UBR1: variants seen among roughly 807,000 people sequenced by gnomAD.
UBR1 encodes the protein ubiquitin protein ligase E3 component n-recognin 1.
Under a neutral mutation model 242.1 loss-of-function variants are expected in UBR1, and 102 were observed. The ratio of observed to expected loss-of-function variants is 0.42; its 90% CI spans 0.36 to 0.50. UBR1 has a LOEUF of 0.50. UBR1 is among the 20% of genes least tolerant of loss of function. UBR1 has a pLI of 0.01. For synonymous variants in UBR1, 675 were observed against 684.8 expected, an observed-to-expected ratio of 0.99 and a Z score of 0.22; for missense variants, 1,772 against 2,101.8, an observed-to-expected ratio of 0.84 and a Z score of 3.07.
chr15:43,090,047 G>A (rs944568689), intron 1 of UBR1, among the ~76,000 whole-genome samples: 2 of 152,122 alleles, frequency 1.3e-5, no homozygotes, highest in Non-Finnish European at 2.9e-5. Context: ...ATTATACTAT[G>A]GTTATGCAAA....
intron 1 of UBR1, among the ~76,000 whole-genome samples, chr15:43,104,712 A>C (rs1032555657): frequency 2.0e-5 from 3 of 151,908 alleles, no homozygotes; most frequent in Admixed American, 1.3e-4. Flanking sequence ...AAAAAAAAAA[A>C]CAAAAAACCT....
chr15:43,022,558 A>G, intron 26 of UBR1, 144 bp downstream of exon 26: 2 of 516,252 alleles, frequency 3.9e-6, no homozygotes, highest in Non-Finnish European at 3.3e-6. Flanking sequence ...TGCTAGGAAA[A>G]AAATTATTTC....
intron 46 of UBR1, among the ~76,000 whole-genome samples, chr15:42,947,320 T>C (rs374372429): frequency 4.6e-5 from 7 of 152,134 alleles, no homozygotes; most frequent in East Asian, 3.8e-4. Flanking sequence ...TTTAAAAATT[T>C]TGGGGAAACA....
chr15:43,037,764 T>G lies in UBR1; in HGVS notation c.2022+9A>C. On this transcript the variant is annotated intron_variant, in intron 17 of 46. Coordinates refer to ENST00000290650, the MANE Select transcript of UBR1 (RefSeq NM_174916.3). ...CATTCATAAATATGAATAATAGACT[T>G]TGCTGTACCTGGCTAATAAGAGACA... is the stretch of plus-strand genomic sequence containing the variant. 6.2e-7 allele frequency: 1 copy of G among 1,612,306 alleles called. No homozygotes were observed. The highest frequency in any genetic ancestry group is 2.2e-5 in the East Asian group (1 of 44,860).
At chr15:43,101,968 CAAAAA>C (rs55875692) in intron 1 of UBR1, among the ~76,000 whole-genome samples, 1 of 59,644 alleles carries the variant, frequency 1.7e-5, no homozygotes, top group East Asian at 7.6e-4. Flanking sequence ...CCTTGGCTCA[CAAAAA>C]AAAAAAAAAA....
chr15:43,025,127 GA>G, intron 24 of UBR1, 144 bp from the exon 25 acceptor site: 3 of 1,069,820 alleles, frequency 2.8e-6, no homozygotes, highest in Non-Finnish European at 4.0e-6. Flanking sequence ...TTCCAGTACT[GA>G]AAATATCAAT....
In UBR1 at chr15:43,086,065, C is replaced by G. The variant is rs947212743; in HGVS notation, c.257G>C (p.Cys86Ser). ...WYLFGEDPDI[C>S]LEKLKHSGAF... Reference sequence around the variant, plus strand: ...TCCACTGTGCTTCAATTTCTCTAAGCAAATATCTGGATCTTCTCCAAATAA... The same window carrying G: ...TCCACTGTGCTTCAATTTCTCTAAGGAAATATCTGGATCTTCTCCAAATAA... The change falls in exon 2 of 47, where the codon TGC becomes TCC. Residue 86 changes from cysteine (C) to serine (S), a missense_variant. Cys to Ser is a moderately radical substitution (Grantham distance 112, BLOSUM62 -1). Transcript: ENST00000290650. 2.5e-6 allele frequency: 4 copies of G among 1,613,950 alleles called. No individual in the cohort carries two copies. The African/African-American group carries it at 5.3e-5, about 22-fold the overall frequency.
intron 37 of UBR1, among the ~76,000 whole-genome samples, chr15:42,982,087 G>A (rs1332482983): frequency 6.6e-6 from 1 of 152,068 alleles, no homozygotes; most frequent in African/African-American, 2.4e-5. Flanking sequence ...TGCCTACACT[G>A]GTGTCAAACT....
chr15:43,103,260 G>A (rs1299025766), intron 1 of UBR1, among the ~76,000 whole-genome samples: 1 of 152,188 alleles, frequency 6.6e-6, no homozygotes, highest in Non-Finnish European at 1.5e-5. Context: ...CAGCTACTCA[G>A]GAGGTTGAGG....
intron 4 of UBR1, among the ~76,000 whole-genome samples, chr15:43,073,472 G>A (rs1275972616): frequency 2.0e-5 from 3 of 152,110 alleles, no homozygotes; most frequent in Non-Finnish European, 4.4e-5. Context: ...TCTCTAGAAA[G>A]AAAAGCTTTT....
At chr15:43,070,705 G>A in intron 5 of UBR1, 90 bp downstream of exon 5, 2 of 1,543,362 alleles carry the variant, frequency 1.3e-6, no homozygotes, top group Admixed American at 3.3e-5. Context: ...TGATAATTAG[G>A]CAGTAAATAA....
chr15:43,036,664 A>T, intron 17 of UBR1, 71 bp from the exon 18 acceptor site: 1 of 1,110,680 alleles, frequency 9.0e-7, no homozygotes, highest in Non-Finnish European at 1.4e-6. Flanking sequence ...AAGAAAACCT[A>T]TCCTTAAAAC....
intron 4 of UBR1, 61 bp downstream of exon 4, chr15:43,074,918 T>A: frequency 7.6e-7 from 1 of 1,307,254 alleles, no homozygotes. Context: ...TAACATTTAT[T>A]CTTATCTAAT....
intron 45 of UBR1, among the ~76,000 whole-genome samples, chr15:42,951,228 T>C (rs2031827474): frequency 6.6e-6 from 1 of 152,222 alleles, no homozygotes; most frequent in African/African-American, 2.4e-5. Flanking sequence ...GTGACTATTT[T>C]TCTTTTTTTT....
At chr15:42,985,456 G>A (rs1175445813) in intron 35 of UBR1, among the ~76,000 whole-genome samples, 2 of 151,954 alleles carry the variant, frequency 1.3e-5, no homozygotes, top group Non-Finnish European at 2.9e-5. Context: ...GGGCTCAAGC[G>A]ATTCTCCTGC....
At chr15:43,070,669 G>A in intron 5 of UBR1, 126 bp downstream of exon 5, 1 of 1,402,662 alleles carries the variant, frequency 7.1e-7, no homozygotes, top group African/African-American at 1.4e-5. Context: ...ATTCCCAAGA[G>A]ATAAGTCACT....
chr15:43,001,399 G>A (rs1391815108), intron 32 of UBR1, among the ~76,000 whole-genome samples: 1 of 152,116 alleles, frequency 6.6e-6, no homozygotes, highest in Admixed American at 6.5e-5. Context: ...CGCCCACCTC[G>A]GCTTCCCAAA....
intron 1 of UBR1, among the ~76,000 whole-genome samples, chr15:43,095,252 A>T (rs2034145430): frequency 6.6e-6 from 1 of 152,248 alleles, no homozygotes; most frequent in South Asian, 2.1e-4. Flanking sequence ...AAAACTTCAA[A>T]GGCATTTTAA....
intron 28 of UBR1, among the ~76,000 whole-genome samples, chr15:43,016,638 G>C (rs1043635964): frequency 1.3e-5 from 2 of 152,180 alleles, no homozygotes; most frequent in African/African-American, 4.8e-5. Flanking sequence ...ATGCAGTAGC[G>C]TGATTTTGGC....
Sources: allele counts gnomAD v4.1 joint callset (sites outside exome capture counted in the v4.1 genomes callset), GRCh38; gene constraint gnomAD v4.1.1; transcripts MANE v1.5; gene names NCBI Gene and HGNC (gene_info 2026-07-23, HGNC 2026-07-21).